The following STARD5 variants were observed in gnomAD, a reference collection of about 807,000 sequenced individuals.
STARD5 encodes StAR related lipid transfer domain containing 5.
In STARD5, 26 loss-of-function variants were observed where a neutral mutation model predicts 24.6. The ratio of observed to expected loss-of-function variants is 1.06; its 90% CI spans 0.77 to 1.47. The LOEUF (loss-of-function observed/expected upper bound fraction) is 1.47. Ranked by LOEUF, STARD5 falls within the 40% of genes most tolerant of loss-of-function variation. The pLI is 0.00. For missense variants in STARD5, 254 were observed against 270.8 expected (o/e 0.94, Z 0.44); for synonymous variants, 101 against 99.7 (o/e 1.01, Z -0.07).
intron 5 of STARD5, among the ~76,000 whole-genome samples, chr15:81,316,094 G>T (rs1397769626): frequency 6.6e-6 from 1 of 152,074 alleles, no homozygotes; most frequent in African/African-American, 2.4e-5. Flanking sequence ...TCCGGCTCCT[G>T]CTCCCACTTC....
Position 81,312,761 on chromosome 15 carries a change from A to G in STARD5, c.*495T>C, listed in dbSNP as rs2141666169. 1 of 152,466 alleles carries G rather than the reference A, an allele frequency of 6.6e-6. No individual in the cohort carries two copies. Among genetic ancestry groups the G allele is most frequent in the African/African-American group, 2.4e-5 (1 of 41,580 alleles). The allele number at this position is 152,466 out of a possible 1,614,324, so 9.4% of individuals were successfully genotyped here. ...AAATATTTTGCGGCATTAAAGCCAT[A>G]TACAAGGTCTATATCAGAAAAATAT... On this transcript the variant is annotated 3_prime_UTR_variant, in exon 6 of 6. Coordinates refer to ENST00000302824, the MANE Select transcript of STARD5 (RefSeq NM_181900.3).
intron 5 of STARD5, among the ~76,000 whole-genome samples, chr15:81,317,720 G>A (rs1026620236): frequency 1.3e-5 from 2 of 152,030 alleles, no homozygotes; most frequent in African/African-American, 2.4e-5. Context: ...AGGGAACACC[G>A]GGACACACCT....
Position 81,310,410 on chromosome 15 carries a change from T to C in STARD5, c.*2846A>G, listed in dbSNP as rs1013367126. 6.6e-6 allele frequency: 1 copy of C among 152,196 alleles called. No homozygotes were observed. The highest frequency in any genetic ancestry group is 1.5e-5 in the Non-Finnish European group (1 of 68,044). 9.4% of individuals were successfully genotyped at this position (152,196 alleles called of 1,614,324 possible). On this transcript the variant is annotated 3_prime_UTR_variant, in exon 6 of 6. Transcript: ENST00000302824. ...CTGTTCTATTCATCTCAAGGAATAA[T>C]GGGCTTAGAGCAGTTTCTGTCCTGC...
intron 4 of STARD5, 141 bp from the exon 5 acceptor site, chr15:81,318,643 C>G: frequency 2.9e-6 from 2 of 684,278 alleles, no homozygotes; most frequent in South Asian, 3.6e-5. Context: ...CGTGAGTTCC[C>G]CCTACTCCCA....
rs1325894816 is a variant in STARD5 at position 81,310,017 on chromosome 15, A to C, written c.*3239T>G. On this transcript the variant is annotated 3_prime_UTR_variant, in exon 6 of 6. Transcript: ENST00000302824. ...CAGGGAATGCCTGAGTGCCTGGCCA[A>C]AGGGATATTTGGTTTGGCCATCTCT... 1.3e-5 allele frequency: 2 copies of C among 152,200 alleles called. No homozygotes were observed. Among genetic ancestry groups the C allele is most frequent in the Non-Finnish European group, 2.9e-5 (2 of 68,018 alleles). The allele number at this position is 152,200 out of a possible 1,614,324, so 9.4% of individuals were successfully genotyped here.
chr15:81,319,394 A>G lies in STARD5; in HGVS notation c.345T>C (p.Asp115=). 1 of 1,614,154 alleles carries G rather than the reference A, an allele frequency of 6.2e-7. No individual in the cohort carries two copies. Among genetic ancestry groups the G allele is most frequent in the Non-Finnish European group, 8.5e-7 (1 of 1,180,020 alleles). Residue 115 remains aspartate (D), a synonymous_variant, in exon 4 of 6, where the codon GAT becomes GAC. Coordinates refer to ENST00000302824, the MANE Select transcript of STARD5 (RefSeq NM_181900.3). ...SAAMKLISPR[D]FVDLVLVKRY... is the part of the protein sequence containing the mutation. ...TCTTGACTAGCACCAAGTCCACAAA[A>G]TCTCTGGGAGAAATGAGCTTCATGG...
intron 5 of STARD5, among the ~76,000 whole-genome samples, chr15:81,316,191 C>T (rs1437407852): frequency 6.6e-6 from 1 of 152,184 alleles, no homozygotes; most frequent in Non-Finnish European, 1.5e-5. Flanking sequence ...CTTGCTCAAA[C>T]GTCTTATTAG....
rs193249759 is a variant in STARD5, at chr15:81,309,160, C to T, written c.*4096G>A. The T allele has an allele frequency of 1.6e-3, 321 of 197,168 alleles. 2 individuals carry two copies. Among genetic ancestry groups the T allele is most frequent in the African/African-American group, 7.0e-3 (300 of 43,080 alleles). 12.2% of individuals were successfully genotyped at this position (197,168 alleles called of 1,614,324 possible). On this transcript the variant is annotated 3_prime_UTR_variant, in exon 6 of 6. Transcript: ENST00000302824. ...AACTGTGTCATGATTCACCCCCAAA[C>T]AGTGACATTTATTTTTCTCATGAAT...
intron 3 of STARD5, among the ~76,000 whole-genome samples, chr15:81,320,267 T>A (rs1439639746): frequency 6.6e-6 from 1 of 152,204 alleles, no homozygotes; most frequent in African/African-American, 2.4e-5. Context: ...TATTAAGACT[T>A]GGGGCATCGT....
chr15:81,322,808 G>C, intron 2 of STARD5, 91 bp downstream of exon 2: 2 of 1,519,066 alleles, frequency 1.3e-6, no homozygotes, highest in Admixed American at 1.7e-5. Flanking sequence ...CAGGTTATAG[G>C]GTTGATTTGA....
rs996083300 is a variant in STARD5 at position 81,313,194 on chromosome 15, T to C, written c.*62A>G. ...CTGCGTGCTCCCAGGCTCCTTGGTG[T>C]CCCAACAGCTGGAGCTCCTCGATGA... On this transcript the variant is annotated 3_prime_UTR_variant, in exon 6 of 6. Transcript: ENST00000302824. 49 of 1,459,252 alleles carry C rather than the reference T, an allele frequency of 3.4e-5. No homozygotes were observed. In the Middle Eastern group the frequency reaches 1.3e-3, roughly 38 times the overall value. 90.4% of individuals were successfully genotyped at this position (1,459,252 alleles called of 1,614,324 possible). A position where few individuals can be genotyped will look rare whatever the true frequency, so the allele number is the denominator to read the frequency against.
chr15:81,318,655 C>T (rs1374202491), intron 4 of STARD5, among the ~76,000 whole-genome samples, 153 bp from the exon 5 acceptor site: 1 of 152,160 alleles, frequency 6.6e-6, no homozygotes, highest in Non-Finnish European at 1.5e-5. Flanking sequence ...CTACTCCCAC[C>T]CTACTGCCCC....
intron 3 of STARD5, among the ~76,000 whole-genome samples, chr15:81,320,230 C>G (rs1050577853): frequency 1.4e-4 from 22 of 152,178 alleles, no homozygotes; most frequent in Non-Finnish European, 2.6e-4. Flanking sequence ...TGGTAAAGGT[C>G]TCCATCTCTG....
chr15:81,316,012 G>A (rs60594121), intron 5 of STARD5, among the ~76,000 whole-genome samples: 10,722 of 152,146 alleles, frequency 0.07, 1,105 homozygotes, highest in African/African-American at 0.23. Flanking sequence ...CTCATGGGCC[G>A]AATGTCCTAG....
chr15:81,311,258 G>A lies in STARD5; in HGVS notation c.*1998C>T, dbSNP rs1900837188. ...ACCATAAAAAGGAATCCACTCCCAG[G>A]CAGCCCTACTTCTTTGCTTTGCCCA... On this transcript the variant is annotated 3_prime_UTR_variant, in exon 6 of 6. Transcript: ENST00000302824. The A allele has an allele frequency of 6.6e-6, 1 of 152,168 alleles. No individual in the cohort carries two copies. Among genetic ancestry groups the A allele is most frequent in the South Asian group, 2.1e-4 (1 of 4,826 alleles). 9.4% of individuals were successfully genotyped at this position (152,168 alleles called of 1,614,324 possible).
Position 81,324,033 on chromosome 15 carries a change from C to A in STARD5, c.67G>T (p.Asp23Tyr). 1 of 1,605,140 alleles carries A rather than the reference C, an allele frequency of 6.2e-7. No homozygotes were observed. The highest frequency in any genetic ancestry group is 1.1e-5 in the South Asian group (1 of 89,408). Residue 23 changes from aspartate (D) to tyrosine (Y), a missense_variant, in exon 1 of 6, where the codon GAC becomes TAC. Coordinates refer to ENST00000302824, the MANE Select transcript of STARD5 (RefSeq NM_181900.3). Reference protein sequence around the residue: ...VAEKMLQYRRDTAGWKICREG... With the variant: ...VAEKMLQYRRYTAGWKICREG... ...CGGCAAATCTTCCAGCCTGCTGTGT[C>A]CCGCCGGTACTGGAGCATCTTCTCG...
rs1900923170 is a variant in STARD5 at position 81,312,640 on chromosome 15, TC to T, written c.*615del. ...CGGGGATAAAGAGAGAAAAACAAAT[TC>T]ATCAAATGGAAGACACATTGAAAGT... On this transcript the variant is annotated 3_prime_UTR_variant, in exon 6 of 6. Transcript: ENST00000302824. The T allele has an allele frequency of 6.6e-6, 1 of 152,234 alleles. No homozygotes were observed. Among genetic ancestry groups the T allele is most frequent in the African/African-American group, 2.4e-5 (1 of 41,458 alleles). 9.4% of individuals were successfully genotyped at this position (152,234 alleles called of 1,614,324 possible).
chr15:81,317,177 A>G (rs1299738318), intron 5 of STARD5, among the ~76,000 whole-genome samples: 1 of 147,638 alleles, frequency 6.8e-6, no homozygotes, highest in East Asian at 2.0e-4. Flanking sequence ...GGCCTGGGTG[A>G]CAGCCAAACT....
Position 81,323,080 on chromosome 15 carries a change from C to T in STARD5, c.100-132G>A, listed in dbSNP as rs1893322210. 4 of 924,580 alleles carry T rather than the reference C, an allele frequency of 4.3e-6. No individual in the cohort carries two copies. The South Asian group carries it at 6.2e-5, about 14-fold the overall frequency. The allele number at this position is 924,580 out of a possible 1,614,324, so 57.3% of individuals were successfully genotyped here. A position where few individuals can be genotyped will look rare whatever the true frequency, so the allele number is the denominator to read the frequency against. ...ACTCTCCAAGGCTGTGCAACCCATACGTGGAAAAGCTGGGACTAGTCTTGG... is the reference window on the plus strand; with the variant it reads ...ACTCTCCAAGGCTGTGCAACCCATATGTGGAAAAGCTGGGACTAGTCTTGG... On this transcript the variant is annotated intron_variant, in intron 1 of 5. Transcript: ENST00000302824.
Sources: allele counts gnomAD v4.1 joint callset (sites outside exome capture counted in the v4.1 genomes callset), GRCh38; gene constraint gnomAD v4.1.1; transcripts MANE v1.5; gene names NCBI Gene and HGNC (gene_info 2026-07-23, HGNC 2026-07-21).